Variants in GNG2 observed in about 807,000 individuals in gnomAD.
The protein encoded by GNG2 is guanine nucleotide-binding protein G(I)/G(S)/G(O) subunit gamma-2.
A neutral mutation model predicts 5.5 loss-of-function variants in GNG2; 5 were observed. The observed-to-expected ratio is 0.91, with a 90% CI of 0.48 to 1.92. The LOEUF (loss-of-function observed/expected upper bound fraction) is 1.92, where lower values mean the gene tolerates loss of function less well. GNG2 is among the 30% of genes most tolerant of loss of function. GNG2 has a pLI of 0.01. For missense variants in GNG2, 55 were observed against 88.4 expected, an observed-to-expected ratio of 0.62 and a Z score of 1.52; for synonymous variants, 28 against 32.0, an observed-to-expected ratio of 0.88 and a Z score of 0.42.
intron 2 of GNG2, among the ~76,000 whole-genome samples, chr14:51,926,999 T>A (rs1306734124): frequency 2.6e-5 from 4 of 152,200 alleles, no homozygotes; most frequent in African/African-American, 9.6e-5. Context: ...TGGGATCAAA[T>A]TTCTATTACT....
intron 2 of GNG2, among the ~76,000 whole-genome samples, chr14:51,846,278 A>G (rs1202339511): frequency 1.3e-5 from 2 of 152,220 alleles, no homozygotes; most frequent in Non-Finnish European, 2.9e-5. Flanking sequence ...TTTTTTACAT[A>G]CAATTTTTTT....
chr14:51,876,776 T>G (rs1883700570), intron 1 of GNG2, among the ~76,000 whole-genome samples: 1 of 152,154 alleles, frequency 6.6e-6, no homozygotes, highest in South Asian at 2.1e-4. Context: ...CTGGAGACAC[T>G]GATGTTCGTT....
intron 2 of GNG2, among the ~76,000 whole-genome samples, chr14:51,930,489 G>T (rs994695398): frequency 1.3e-5 from 2 of 152,170 alleles, no homozygotes; most frequent in Non-Finnish European, 2.9e-5. Context: ...CGGCTTCCTG[G>T]TCATCATCTT....
At chr14:51,937,054 C>T (rs1191671192) in intron 2 of GNG2, among the ~76,000 whole-genome samples, 3 of 152,138 alleles carry the variant, frequency 2.0e-5, no homozygotes, top group Admixed American at 1.3e-4. Context: ...TGTCTATGCC[C>T]TTGGTGAGCA....
At chr14:51,836,630 A>T (rs10142188) in intron 2 of GNG2, among the ~76,000 whole-genome samples, 75,648 of 151,688 alleles carry the variant, frequency 0.5, 19,480 homozygotes, top group Middle Eastern at 0.57. Flanking sequence ...TGGTTTTGCA[A>T]AACCTAACCA....
intron 2 of GNG2, among the ~76,000 whole-genome samples, chr14:51,885,877 G>A (rs1884429180): frequency 6.6e-6 from 1 of 152,102 alleles, no homozygotes; most frequent in Non-Finnish European, 1.5e-5. Context: ...ATGGACTTAT[G>A]TCTTTGCTAT....
intron 2 of GNG2, among the ~76,000 whole-genome samples, chr14:51,938,406 C>A (rs1566700368): frequency 6.6e-6 from 1 of 152,162 alleles, no homozygotes; most frequent in Non-Finnish European, 1.5e-5. Context: ...CAGTGGTGGT[C>A]ATTGTTTTCT....
At chr14:51,946,317 A>C (rs1566706172) in intron 2 of GNG2, among the ~76,000 whole-genome samples, 1 of 152,240 alleles carries the variant, frequency 6.6e-6, no homozygotes, top group East Asian at 1.9e-4. Flanking sequence ...AATCAAAAGC[A>C]ACTAACAACT....
intron 2 of GNG2, among the ~76,000 whole-genome samples, chr14:51,908,563 CAT>C (rs367960923): frequency 7.0e-5 from 5 of 70,974 alleles, no homozygotes; most frequent in African/African-American, 2.2e-4. Flanking sequence ...TCTATCTATC[CAT>C]ATATATAGAG....
intron 2 of GNG2, among the ~76,000 whole-genome samples, chr14:51,888,907 C>T (rs1023235723): frequency 3.3e-5 from 5 of 152,086 alleles, no homozygotes; most frequent in African/African-American, 1.2e-4. Flanking sequence ...GGTACTGATA[C>T]ATGCTACAAC....
At chr14:51,878,867 C>A (rs1215439662) in intron 2 of GNG2, among the ~76,000 whole-genome samples, 1 of 152,188 alleles carries the variant, frequency 6.6e-6, no homozygotes, top group Non-Finnish European at 1.5e-5. Context: ...AATAATGACT[C>A]TTTTATAAGC....
chr14:51,892,157 AAACAACTCATTTTT>A (rs1449873372), intron 2 of GNG2, among the ~76,000 whole-genome samples: 1 of 152,088 alleles, frequency 6.6e-6, no homozygotes, highest in Non-Finnish European at 1.5e-5. Context: ...CTATTTTTTT[AAACAACTCATTTTT>A]AACCATCTTG....
chr14:51,904,518 C>T (rs945550269), intron 2 of GNG2, among the ~76,000 whole-genome samples: 2 of 152,108 alleles, frequency 1.3e-5, no homozygotes, highest in African/African-American at 2.4e-5. Flanking sequence ...GATGAACTGC[C>T]CTGGCCCACC....
At chr14:51,835,514 C>A (rs1161783664) in intron 2 of GNG2, among the ~76,000 whole-genome samples, 2 of 152,194 alleles carry the variant, frequency 1.3e-5, no homozygotes, top group Non-Finnish European at 1.5e-5. Context: ...AAAACCCACA[C>A]CACCCCCTAC....
chr14:51,919,614 C>T (rs1349256326), intron 2 of GNG2, among the ~76,000 whole-genome samples: 1 of 152,142 alleles, frequency 6.6e-6, no homozygotes, highest in African/African-American at 2.4e-5. Context: ...CATAACCAGT[C>T]CCAGCTAGTG....
intron 2 of GNG2, among the ~76,000 whole-genome samples, chr14:51,906,777 A>C (rs1885952732): frequency 3.6e-5 from 1 of 27,476 alleles, no homozygotes; most frequent in African/African-American, 1.6e-4. Context: ...TTTTTTTGAG[A>C]CGGAGTCTTG....
At position 51,916,935 on chromosome 14, in the gene GNG2, G is replaced by C. The variant is rs1287963237; in HGVS notation, c.-29-33715G>C. Among the ~76,000 whole-genome samples the C allele has an allele frequency of 2.0e-5, 3 of 152,138 alleles. No individual in the cohort carries two copies. The East Asian group carries it at 5.8e-4, about 29-fold the overall frequency. On this transcript the variant is annotated intron_variant, in intron 2 of 3. Coordinates refer to ENST00000556766, the MANE Select transcript of GNG2 (RefSeq NM_053064.5). Reference sequence around the variant, plus strand: ...GTGATCAGGTGTTTCCTAGGTCCCTGGCTATGAGACTTAAGGAAGCAAAAT... The same window carrying C: ...GTGATCAGGTGTTTCCTAGGTCCCTCGCTATGAGACTTAAGGAAGCAAAAT...
chr14:51,836,621 G>C (rs1331939792), intron 2 of GNG2, among the ~76,000 whole-genome samples: 1 of 151,656 alleles, frequency 6.6e-6, no homozygotes, highest in Non-Finnish European at 1.5e-5. Context: ...ATTTACCACT[G>C]GTTTTGCAAA....
intron 2 of GNG2, among the ~76,000 whole-genome samples, chr14:51,910,033 C>T (rs1049448838): frequency 2.0e-5 from 3 of 152,140 alleles, no homozygotes; most frequent in African/African-American, 7.2e-5. Context: ...TAGTACCCAG[C>T]GTGGGGCGGA....
Sources: gnomAD v4.1 joint callset for allele counts (sites outside exome capture counted in the v4.1 genomes callset) on GRCh38, gnomAD v4.1.1 for gene constraint, MANE v1.5 for transcripts, NCBI Gene and HGNC (gene_info 2026-07-23, HGNC 2026-07-21) for gene names.